Variants in LINGO2 observed in about 807,000 individuals in gnomAD.
The protein encoded by LINGO2 is leucine rich repeat and Ig domain containing 2, also known as leucine-rich repeat and immunoglobulin-like domain-containing nogo receptor-interacting protein 2.
LINGO2 carries 14 observed loss-of-function variants against 30.6 expected under a neutral mutation model. That is an observed-to-expected ratio of 0.46 (90% CI 0.30 to 0.72). The LOEUF is 0.72. Ranked by LOEUF, LINGO2 falls within the 30% of genes least tolerant of loss-of-function variation. The pLI is 0.07. For synonymous variants in LINGO2, 317 were observed against 288.5 expected (o/e 1.10, Z -1.00); for missense variants, 729 against 751.7 (o/e 0.97, Z 0.35).
At chr9:28,761,333 A>G in the LINGO2 span, among the ~76,000 whole-genome samples, 1 of 151,978 alleles carries the variant, frequency 6.6e-6, no homozygotes, top group Non-Finnish European at 1.5e-5. Flanking sequence ...TCATTTTGTC[A>G]GTTAGCTGAA....
intron 2 of LINGO2, among the ~76,000 whole-genome samples, chr9:28,408,848 CAA>C (rs1322749603): frequency 1.1e-4 from 17 of 150,140 alleles, no homozygotes; most frequent in African/African-American, 3.9e-4. Flanking sequence ...TCCTGGATGA[CAA>C]AGAGAACCAC....
the LINGO2 span, among the ~76,000 whole-genome samples, chr9:29,022,307 T>C: frequency 6.6e-6 from 1 of 152,192 alleles, no homozygotes; most frequent in Admixed American, 6.5e-5. Context: ...CCAGGGAAAG[T>C]GTTTCTTCTC....
the LINGO2 span, among the ~76,000 whole-genome samples, chr9:28,842,538 G>C: frequency 6.6e-6 from 1 of 151,768 alleles, no homozygotes; most frequent in South Asian, 2.1e-4. Flanking sequence ...ATAATGTGTG[G>C]ATTGTATAAA....
At chr9:27,961,684 C>T (rs573664851) in intron 5 of LINGO2, among the ~76,000 whole-genome samples, 18 of 152,050 alleles carry the variant, frequency 1.2e-4, no homozygotes, top group Admixed American at 2.0e-4. Flanking sequence ...GATTCCAACA[C>T]GAAAAATAGA....
intron 3 of LINGO2, among the ~76,000 whole-genome samples, chr9:28,312,443 C>T (rs1824665007): frequency 6.6e-6 from 1 of 151,588 alleles, no homozygotes; most frequent in South Asian, 2.1e-4. Flanking sequence ...AGGAAAAAAT[C>T]ACGAAAATTT....
intron 5 of LINGO2, among the ~76,000 whole-genome samples, chr9:28,003,338 GATAT>G (rs147286017): frequency 4.6e-3 from 621 of 133,938 alleles, no homozygotes; most frequent in African/African-American, 0.011. Context: ...TAGATATATA[GATAT>G]ATAGATAGAT....
intron 2 of LINGO2, among the ~76,000 whole-genome samples, chr9:28,465,033 C>T (rs902988234): frequency 2.0e-5 from 3 of 152,208 alleles, no homozygotes; most frequent in African/African-American, 7.2e-5. Flanking sequence ...GCCCCACATA[C>T]AGGCCTGTGG....
intron 2 of LINGO2, among the ~76,000 whole-genome samples, chr9:28,391,457 AG>A (rs1821825720): frequency 6.6e-6 from 1 of 152,182 alleles, no homozygotes; most frequent in Non-Finnish European, 1.5e-5. Flanking sequence ...ATTCCTGTCA[AG>A]GGGATGTGAA....
At chr9:28,953,595 G>C in the LINGO2 span, among the ~76,000 whole-genome samples, 1 of 151,966 alleles carries the variant, frequency 6.6e-6, no homozygotes, top group Non-Finnish European at 1.5e-5. Context: ...CTTAAAATTT[G>C]ACTTAATAGA....
chr9:28,900,985 C>A, the LINGO2 span, among the ~76,000 whole-genome samples: 1 of 152,002 alleles, frequency 6.6e-6, no homozygotes, highest in Non-Finnish European at 1.5e-5. Context: ...AAACACAAAT[C>A]AGATTCAATC....
At position 28,568,723 on chromosome 9, in the gene LINGO2, C is replaced by T. The variant is rs116156366; in HGVS notation, c.-364-92698G>A. On this transcript the variant is annotated intron_variant, in intron 1 of 5. Transcript: ENST00000379992. ...TGCTGAAAGAAAAAATAAAAACTTCCTCTGAAGGATGCTTTATCAGACAAA... is the reference window on the plus strand; with the variant it reads ...TGCTGAAAGAAAAAATAAAAACTTCTTCTGAAGGATGCTTTATCAGACAAA... Among the ~76,000 whole-genome samples, 469 of 152,002 alleles carry T rather than the reference C, an allele frequency of 3.1e-3. 2 individuals carry two copies. Among genetic ancestry groups the T allele is most frequent in the African/African-American group, 0.011 (444 of 41,526 alleles).
the LINGO2 span, among the ~76,000 whole-genome samples, chr9:28,706,612 C>A: frequency 6.6e-6 from 1 of 152,128 alleles, no homozygotes; most frequent in Non-Finnish European, 1.5e-5. Flanking sequence ...TCATGATAGA[C>A]ATGCTATTCC....
At position 28,148,753 on chromosome 9, in the gene LINGO2, C is replaced by T; in HGVS notation, c.-86-136348G>A. ...GCATCCTTCCCTTTGGGAAGCCTGA[C>T]CCACTTCCAACAGTGCTCCCTGCCC... On this transcript the variant is annotated intron_variant, in intron 4 of 5. Transcript: ENST00000379992. This position sits in a 1 kb window ranked among gnomAD's most constrained non-coding sequence, Gnocchi z 5.1. The T allele has an allele frequency of 5.9e-6, 9 of 1,533,934 alleles. No individual in the cohort carries two copies. The highest frequency in any genetic ancestry group is 7.9e-6 in the Non-Finnish European group (9 of 1,146,492).
chr9:29,099,758 A>G, the LINGO2 span, among the ~76,000 whole-genome samples: 1 of 152,182 alleles, frequency 6.6e-6, no homozygotes, highest in African/African-American at 2.4e-5. Flanking sequence ...GGTGGAGAAA[A>G]GGCAACATCA....
At chr9:29,061,998 A>G in the LINGO2 span, among the ~76,000 whole-genome samples, 1 of 152,118 alleles carries the variant, frequency 6.6e-6, no homozygotes, top group Admixed American at 6.6e-5. Flanking sequence ...TGTAATTAAA[A>G]TATGAGCAAT....
At chr9:28,055,399 G>A (rs974944881) in intron 4 of LINGO2, among the ~76,000 whole-genome samples, 4 of 152,084 alleles carry the variant, frequency 2.6e-5, no homozygotes, top group Admixed American at 6.6e-5. Flanking sequence ...GAATGGCCAG[G>A]CTATTTTAGC....
the LINGO2 span, among the ~76,000 whole-genome samples, chr9:29,181,101 T>A: frequency 1.3e-5 from 2 of 152,194 alleles, no homozygotes; most frequent in Non-Finnish European, 2.9e-5. Context: ...GGACAGCATT[T>A]ATACAGAGCA....
intron 5 of LINGO2, among the ~76,000 whole-genome samples, chr9:27,981,858 A>G (rs1820894724): frequency 6.6e-6 from 1 of 151,858 alleles, no homozygotes; most frequent in African/African-American, 2.4e-5. Flanking sequence ...CTATTTGGAT[A>G]CAGTGTTCTC....
intron 4 of LINGO2, among the ~76,000 whole-genome samples, chr9:28,241,640 A>C (rs896660906): frequency 2.0e-5 from 3 of 152,098 alleles, no homozygotes; most frequent in African/African-American, 7.2e-5. Flanking sequence ...GCCTTGTTAA[A>C]TGGGTCCTGC....
Sources: allele counts gnomAD v4.1 joint callset (sites outside exome capture counted in the v4.1 genomes callset), GRCh38; gene constraint gnomAD v4.1.1; non-coding constraint Gnocchi (gnomAD v3.1); transcripts MANE v1.5; gene names NCBI Gene and HGNC (gene_info 2026-07-23, HGNC 2026-07-21).